DDX10: variants seen among roughly 807,000 people sequenced by gnomAD.
The protein encoded by DDX10 is DEAD-box helicase 10.
In DDX10, 74 loss-of-function variants were observed where a neutral mutation model predicts 104.3. That is an observed-to-expected ratio of 0.71 (90% CI 0.59 to 0.86). DDX10 has a LOEUF of 0.86. Ranked by LOEUF, DDX10 falls within the 40% of genes least tolerant of loss-of-function variation. DDX10 has a pLI of 0.00. For missense variants in DDX10, 952 were observed against 1,040.0 expected (o/e 0.92, Z 1.16); for synonymous variants, 351 against 353.4 (o/e 0.99, Z 0.08).
At chr11:108,691,837 T>C (rs1262379549) in intron 7 of DDX10, 39 bp from the exon 8 acceptor site, 1 of 1,580,922 alleles carries the variant, frequency 6.3e-7, no homozygotes, top group Non-Finnish European at 8.6e-7. Flanking sequence ...ATTGCTGCCA[T>C]CTGCCATAAG....
intron 7 of DDX10, among the ~76,000 whole-genome samples, chr11:108,691,181 TTCTC>T (rs1343118219): frequency 3.3e-5 from 5 of 152,238 alleles, no homozygotes; most frequent in African/African-American, 9.6e-5. Context: ...AATGGGGTCT[TTCTC>T]TTTAATTGAG....
Position 108,695,500 on chromosome 11 carries a change from A to C in DDX10, c.1223+1900A>C, listed in dbSNP as rs556859917. Among the ~76,000 whole-genome samples the C allele has an allele frequency of 7.2e-5, 11 of 152,314 alleles. No homozygotes were observed. In the South Asian group the frequency reaches 2.3e-3, roughly 32 times the overall value. ...CACCTGCCCTGTGTCCACTTCAGCA[A>C]GTGGCCCCAAGTATGAAAGTGTACG... On this transcript the variant is annotated intron_variant, in intron 9 of 17. Transcript: ENST00000322536.
intron 13 of DDX10, among the ~76,000 whole-genome samples, chr11:108,823,447 G>A (rs1273016882): frequency 2.0e-5 from 3 of 152,182 alleles, no homozygotes; most frequent in African/African-American, 7.2e-5. Flanking sequence ...AATGTCGGAT[G>A]TAACAGTGAT....
chr11:108,816,592 G>A (rs764608880), intron 13 of DDX10, among the ~76,000 whole-genome samples: 2 of 146,770 alleles, frequency 1.4e-5, no homozygotes, highest in Non-Finnish European at 3.0e-5. Flanking sequence ...TCTCTCTGGC[G>A]CCCAGGCTGG....
chr11:108,795,802 G>A (rs568796721), intron 13 of DDX10, among the ~76,000 whole-genome samples: 4 of 152,204 alleles, frequency 2.6e-5, no homozygotes, highest in South Asian at 2.1e-4. Context: ...CAATAAACAC[G>A]TGTGGTGCAT....
Position 108,719,896 on chromosome 11 carries a change from A to C in DDX10, c.1499+11A>C, listed in dbSNP as rs777188602. On this transcript the variant is annotated intron_variant, in intron 12 of 17. Transcript: ENST00000322536. ...ACCTGAATATGCCCTGTAAGTATTCATAATATAGTTGTAATAGTGAATCCT... is the reference window on the plus strand; with the variant it reads ...ACCTGAATATGCCCTGTAAGTATTCCTAATATAGTTGTAATAGTGAATCCT... The C allele has an allele frequency of 9.8e-6, 14 of 1,425,108 alleles. No homozygotes were observed. Among genetic ancestry groups the C allele is most frequent in the Admixed American group, 1.7e-5 (1 of 59,244 alleles). 88.3% of individuals were successfully genotyped at this position (1,425,108 alleles called of 1,614,324 possible). A position where few individuals can be genotyped will look rare whatever the true frequency, so the allele number is the denominator to read the frequency against.
At chr11:108,753,924 G>A (rs770881367) in intron 13 of DDX10, among the ~76,000 whole-genome samples, 6 of 151,962 alleles carry the variant, frequency 3.9e-5, no homozygotes, top group East Asian at 3.9e-4. Context: ...ATACAGGGTC[G>A]GGTGTGTATA....
chr11:108,866,000 G>A (rs775705578), intron 16 of DDX10, among the ~76,000 whole-genome samples: 10 of 152,174 alleles, frequency 6.6e-5, no homozygotes, highest in Non-Finnish European at 1.0e-4. Context: ...ATTCCATGGG[G>A]AGTTTAAGTA....
At chr11:108,760,675 GTTTT>G (rs201234836) in intron 13 of DDX10, among the ~76,000 whole-genome samples, 5 of 129,698 alleles carry the variant, frequency 3.9e-5, no homozygotes, top group Non-Finnish European at 6.7e-5. Context: ...ACATAACACT[GTTTT>G]TTTTTTTTTT....
intron 13 of DDX10, chr11:108,730,248 G>A (rs1225279107): frequency 6.6e-6 from 1 of 152,198 alleles, no homozygotes; most frequent in Non-Finnish European, 1.5e-5. Context: ...AGCTGTATGT[G>A]TAGCTCTGGG....
At chr11:108,748,580 A>G (rs1284018414) in intron 13 of DDX10, among the ~76,000 whole-genome samples, 2 of 152,212 alleles carry the variant, frequency 1.3e-5, no homozygotes, top group African/African-American at 4.8e-5. Context: ...TAAAATAGAA[A>G]TCAGTAAGAC....
intron 13 of DDX10, among the ~76,000 whole-genome samples, chr11:108,740,453 T>A (rs2094323809): frequency 6.6e-6 from 1 of 152,192 alleles, no homozygotes; most frequent in African/African-American, 2.4e-5. Flanking sequence ...AACATACGTA[T>A]ACATGTGTCT....
Position 108,726,202 on chromosome 11 carries a change from C to T in DDX10, c.1965+2740C>T, listed in dbSNP as rs551136720. On this transcript the variant is annotated intron_variant, in intron 13 of 17. Coordinates refer to ENST00000322536, the MANE Select transcript of DDX10 (RefSeq NM_004398.4). ...ACTGATATATATTTTCTTAAAATTG[C>T]TTTGGTTATTTTTGGACCATGGCAT... Among the ~76,000 whole-genome samples the T allele has an allele frequency of 4.5e-4, 69 of 152,022 alleles. 1 individual carries two copies. Among genetic ancestry groups the T allele is most frequent in the African/African-American group, 1.5e-3 (61 of 41,544 alleles).
chr11:108,841,392 C>T lies in DDX10; in HGVS notation c.2163C>T (p.Asn721=). Residue 721 remains asparagine (N), a synonymous_variant, in exon 15 of 18, where the codon AAC becomes AAT. Transcript: ENST00000322536. Reference sequence around the variant, plus strand: ...AAGATGATGACACAGGTGGTATCAACTTACATAAAGCAAAGGAAAGACTTC... The same window carrying T: ...AAGATGATGACACAGGTGGTATCAATTTACATAAAGCAAAGGAAAGACTTC... ...AEEDDDTGGI[N]LHKAKERLQE... is the part of the protein sequence containing the mutation. The T allele has an allele frequency of 6.2e-7, 1 of 1,613,690 alleles. No individual in the cohort carries two copies. Among genetic ancestry groups the T allele is most frequent in the Non-Finnish European group, 8.5e-7 (1 of 1,179,856 alleles).
At chr11:108,876,867 G>A (rs1013389435) in intron 16 of DDX10, among the ~76,000 whole-genome samples, 1 of 152,120 alleles carries the variant, frequency 6.6e-6, no homozygotes, top group Non-Finnish European at 1.5e-5. Context: ...TTTCCTTGAA[G>A]TTTTTAGAGA....
intron 13 of DDX10, among the ~76,000 whole-genome samples, chr11:108,794,178 T>C (rs1341671842): frequency 6.6e-6 from 1 of 152,178 alleles, no homozygotes; most frequent in East Asian, 1.9e-4. Context: ...AACTAATTGC[T>C]TTTTCTTTGG....
intron 7 of DDX10, 146 bp downstream of exon 7, chr11:108,689,208 C>G: frequency 1.3e-6 from 1 of 792,248 alleles, no homozygotes; most frequent in Non-Finnish European, 2.0e-6. Flanking sequence ...CAAAGGAATC[C>G]GTGGCTGAGA....
At chr11:108,856,422 C>G (rs903047923) in intron 16 of DDX10, among the ~76,000 whole-genome samples, 8 of 151,688 alleles carry the variant, frequency 5.3e-5, no homozygotes, top group Non-Finnish European at 1.0e-4. Flanking sequence ...CAGAGCGAGA[C>G]TCTGTCTCAA....
chr11:108,808,342 A>G (rs1035004106), intron 13 of DDX10, among the ~76,000 whole-genome samples: 1 of 136,414 alleles, frequency 7.3e-6, no homozygotes, highest in Non-Finnish European at 1.6e-5. Context: ...TTTAGGATTG[A>G]TTTTTTTTGG....
Sources: allele counts gnomAD v4.1 joint callset (sites outside exome capture counted in the v4.1 genomes callset), GRCh38; gene constraint gnomAD v4.1.1; transcripts MANE v1.5; gene names NCBI Gene and HGNC (gene_info 2026-07-23, HGNC 2026-07-21).